The following OPRM1 variants were observed in gnomAD, a reference collection of about 807,000 sequenced individuals.
OPRM1 encodes the protein opioid receptor mu 1.
A neutral mutation model predicts 31.8 loss-of-function variants in OPRM1; 27 were observed. The ratio of observed to expected loss-of-function variants is 0.85; its 90% confidence interval spans 0.63 to 1.17. OPRM1 has a LOEUF of 1.17. Among genes scored for constraint, OPRM1 ranks in the 50% most tolerant of loss-of-function variants. The pLI is 0.00. For synonymous variants in OPRM1, 196 were observed against 189.9 expected, an observed-to-expected ratio of 1.03 and a Z score of -0.26; for missense variants, 536 against 511.1, an observed-to-expected ratio of 1.05 and a Z score of -0.47.
rs543209865 is a variant in OPRM1, at chr6:154,120,359, C to T, written c.*1638C>T. Among the ~76,000 whole-genome samples the T allele has an allele frequency of 1.3e-5, 2 of 152,224 alleles. No individual in the cohort carries two copies. Among genetic ancestry groups the T allele is most frequent in the South Asian group, 4.1e-4 (2 of 4,826 alleles). On this transcript the variant is annotated 3_prime_UTR_variant, in exon 4 of 4. Transcript: ENST00000330432. ...GCTATAGTTATGTGGACTCAACCCA[C>T]GTATCCAGTAGATGGGAAAAAACAA...
At chr6:154,020,176 G>T (rs560779388) in intron 1 of OPRM1, among the ~76,000 whole-genome samples, 3 of 152,198 alleles carry the variant, frequency 2.0e-5, no homozygotes, top group Admixed American at 2.0e-4. Context: ...CTGTATGCAG[G>T]TTTTATATGG....
chr6:154,065,707 G>T lies in OPRM1; in HGVS notation c.291-24119G>T, dbSNP rs181102285. 1.8e-3 allele frequency among the ~76,000 whole-genome samples: 268 copies of T among 151,806 alleles called. 2 individuals are homozygous for T. The highest frequency in any genetic ancestry group is 5.6e-3 in the African/African-American group (233 of 41,390). The stretch of plus-strand genomic sequence containing the variant: ...TTCTACTTATAAGATTATGTCATCT[G>T]CAAACATATTCATTTTACTTCTTTT... On this transcript the variant is annotated intron_variant, in intron 1 of 3. Coordinates refer to ENST00000330432, the MANE Select transcript of OPRM1 (RefSeq NM_000914.5).
At chr6:154,152,800 G>A (rs1243344910) in intron 3 of OPRM1, among the ~76,000 whole-genome samples, 3 of 152,008 alleles carry the variant, frequency 2.0e-5, no homozygotes, top group Non-Finnish European at 2.9e-5. Flanking sequence ...CCTGATTATA[G>A]CTCACTGTAG....
intron 3 of OPRM1, among the ~76,000 whole-genome samples, chr6:154,113,649 T>C (rs961156063): frequency 6.6e-6 from 1 of 152,086 alleles, no homozygotes; most frequent in East Asian, 1.9e-4. Flanking sequence ...GTGATTAATT[T>C]TGGGGAGCTG....
intron 3 of OPRM1, among the ~76,000 whole-genome samples, chr6:154,236,749 G>A (rs557833189): frequency 1.3e-5 from 2 of 152,190 alleles, no homozygotes; most frequent in South Asian, 2.1e-4. Flanking sequence ...ACATAGAGGC[G>A]AGGCCCAGAG....
In OPRM1 at chr6:154,108,313, C is replaced by T. The variant is rs113270588; in HGVS notation, c.1165-10370C>T. 7.5e-3 allele frequency: 2,059 copies of T among 274,572 alleles called. 39 individuals are homozygous for T. Among genetic ancestry groups the T allele is most frequent in the African/African-American group, 0.043 (1,934 of 45,270 alleles). 17.0% of individuals were successfully genotyped at this position (274,572 alleles called of 1,614,324 possible). On this transcript the variant is annotated intron_variant, in intron 3 of 3. Transcript: ENST00000330432. ...CGACCTCTGACTTGCAGTTTCAACA[C>T]GTGCTCTCTGGGCAAAACAGTTGCC...
chr6:154,178,971 T>C (rs749960005), intron 3 of OPRM1, among the ~76,000 whole-genome samples: 2 of 152,220 alleles, frequency 1.3e-5, no homozygotes, highest in Non-Finnish European at 2.9e-5. Flanking sequence ...ATTGGCTGTT[T>C]TGTGTGTCAT....
chr6:154,203,839 GC>G, intron 3 of OPRM1, among the ~76,000 whole-genome samples: 1 of 152,232 alleles, frequency 6.6e-6, no homozygotes, highest in East Asian at 1.9e-4. Flanking sequence ...GAAGAAAAGC[GC>G]CCCAGAGTTA....
At chr6:154,112,811 A>T (rs928522692) in intron 3 of OPRM1, among the ~76,000 whole-genome samples, 1 of 152,200 alleles carries the variant, frequency 6.6e-6, no homozygotes, top group African/African-American at 2.4e-5. Flanking sequence ...ATTGACAAGG[A>T]CTAGGACCAA....
intron 3 of OPRM1, chr6:154,160,127 C>T (rs1057424794): frequency 3.0e-6 from 3 of 990,308 alleles, no homozygotes; most frequent in East Asian, 2.5e-5. Context: ...TTTACAAGTA[C>T]ACATATACAT....
At chr6:154,225,606 GC>G (rs2128620547) in intron 3 of OPRM1, among the ~76,000 whole-genome samples, 1 of 152,176 alleles carries the variant, frequency 6.6e-6, no homozygotes, top group East Asian at 1.9e-4. Context: ...GAAATAGGGA[GC>G]AACTGCTCAA....
intron 3 of OPRM1, among the ~76,000 whole-genome samples, chr6:154,236,138 G>A (rs1022952069): frequency 1.3e-5 from 2 of 152,092 alleles, no homozygotes; most frequent in Admixed American, 6.5e-5. Flanking sequence ...AGGTAGAAGC[G>A]ACCCAAGTGT....
intron 3 of OPRM1, among the ~76,000 whole-genome samples, chr6:154,116,945 T>C (rs1796945107): frequency 6.6e-6 from 1 of 152,228 alleles, no homozygotes; most frequent in African/African-American, 2.4e-5. Flanking sequence ...TATACATTTG[T>C]AACTTACAAC....
chr6:154,224,568 G>T (rs1431837428), intron 3 of OPRM1, among the ~76,000 whole-genome samples: 1 of 152,044 alleles, frequency 6.6e-6, no homozygotes, highest in East Asian at 1.9e-4. Flanking sequence ...AATATTAGCT[G>T]GTCATGGTGG....
chr6:154,039,236 C>G, upstream of OPRM1: 4 of 1,551,732 alleles, frequency 2.6e-6, no homozygotes, highest in Non-Finnish European at 3.5e-6. Flanking sequence ...ACCCCTTTTC[C>G]CTCCTCCCTC....
At chr6:154,144,374 C>A (rs1395495606) in intron 3 of OPRM1, among the ~76,000 whole-genome samples, 5 of 152,152 alleles carry the variant, frequency 3.3e-5, no homozygotes, top group African/African-American at 9.7e-5. Context: ...AATTTACAGA[C>A]CAATATTCAT....
intron 3 of OPRM1, among the ~76,000 whole-genome samples, chr6:154,160,495 CTT>C (rs1264249614): frequency 1.3e-5 from 2 of 152,130 alleles, no homozygotes; most frequent in African/African-American, 4.8e-5. Context: ...ATTAAATTAT[CTT>C]TATTTTTAAT....
At chr6:154,205,952 T>A (rs1028863788) in intron 3 of OPRM1, among the ~76,000 whole-genome samples, 3 of 152,076 alleles carry the variant, frequency 2.0e-5, no homozygotes, top group Non-Finnish European at 4.4e-5. Context: ...GCTGCAGCCT[T>A]CCCCAGCTGC....
At position 154,089,709 on chromosome 6, in the gene OPRM1, T is replaced by C. The variant is rs1791569351; in HGVS notation, c.291-117T>C. ...CCAAGCTGATACTGGAAAACAATTCTATATCTAATCTCAAAAAAGCTTTCT... is the reference window on the plus strand; with the variant it reads ...CCAAGCTGATACTGGAAAACAATTCCATATCTAATCTCAAAAAAGCTTTCT... On this transcript the variant is annotated intron_variant, in intron 1 of 3. Coordinates refer to ENST00000330432, the MANE Select transcript of OPRM1 (RefSeq NM_000914.5). The C allele has an allele frequency of 4.4e-6, 3 of 681,744 alleles. No individual in the cohort carries two copies. The South Asian group carries it at 5.7e-5, about 13-fold the overall frequency. 42.2% of individuals were successfully genotyped at this position (681,744 alleles called of 1,614,324 possible).
Sources: allele counts gnomAD v4.1 joint callset (sites outside exome capture counted in the v4.1 genomes callset), GRCh38; gene constraint gnomAD v4.1.1; transcripts MANE v1.5; gene names NCBI Gene and HGNC (gene_info 2026-07-23, HGNC 2026-07-21).